PLCH1: variants seen among roughly 807,000 people sequenced by gnomAD.
The protein encoded by PLCH1 is phospholipase C eta 1.
A neutral mutation model predicts 126.7 loss-of-function variants in PLCH1; 60 were observed. The observed-to-expected ratio is 0.47, with a 90% CI of 0.38 to 0.59. PLCH1 has a LOEUF of 0.59. Ranked by LOEUF, PLCH1 falls within the 20% of genes least tolerant of loss-of-function variation. The pLI is 0.00. For synonymous variants in PLCH1, 719 were observed against 734.9 expected (o/e 0.98, Z 0.35); for missense variants, 1,723 against 2,040.0 (o/e 0.84, Z 2.99).
At chr3:155,503,090 T>C (rs1348403216) in intron 13 of PLCH1, among the ~76,000 whole-genome samples, 1 of 152,224 alleles carries the variant, frequency 6.6e-6, no homozygotes, top group Admixed American at 6.5e-5. Context: ...CACTATTTTA[T>C]TGAAGTGTAA....
rs370128819 is a variant in PLCH1 at position 155,554,077 on chromosome 3, C to T, written c.1189G>A (p.Glu397Lys). The change falls in exon 9 of 23, where the codon GAG becomes AAG. Residue 397 changes from glutamate (E) to lysine (K), a missense_variant and splice_region_variant. Around this residue, in one of 2 missense-constraint regions of PLCH1, gnomAD observed 776 missense variants for 1,062.9 expected, o/e 0.73. Transcript: ENST00000460012. ...GCTCACAGGTGCTGCTTTACTTACT[C>T]ATTCTTCACAAAGGCATGCTTGTTG... ...TINKHAFVKNEFPVILSIENH... is the reference protein window; with the variant it reads ...TINKHAFVKNKFPVILSIENH... 2 of 1,613,520 alleles carry T rather than the reference C, an allele frequency of 1.2e-6. No individual in the cohort carries two copies. The highest frequency in any genetic ancestry group is 2.7e-5 in the African/African-American group (2 of 74,894).
chr3:155,506,144 A>G (rs1405743210), intron 12 of PLCH1, among the ~76,000 whole-genome samples: 2 of 152,084 alleles, frequency 1.3e-5, no homozygotes, highest in African/African-American at 2.4e-5. Flanking sequence ...ATATATTCTC[A>G]TTTACTATGC....
chr3:155,624,237 G>C (rs1047934503), intron 2 of PLCH1, among the ~76,000 whole-genome samples: 10 of 152,182 alleles, frequency 6.6e-5, no homozygotes, highest in African/African-American at 2.2e-4. Flanking sequence ...ACTAGGTATT[G>C]ATGGGACGTA....
intron 8 of PLCH1, among the ~76,000 whole-genome samples, chr3:155,556,506 C>T (rs1726842896): frequency 6.6e-6 from 1 of 152,296 alleles, no homozygotes; most frequent in Non-Finnish European, 1.5e-5. Context: ...AAATGCTCAC[C>T]ATAATTACAA....
At chr3:155,528,453 T>C (rs1454295741) in intron 10 of PLCH1, among the ~76,000 whole-genome samples, 2 of 152,166 alleles carry the variant, frequency 1.3e-5, no homozygotes, top group Non-Finnish European at 2.9e-5. Context: ...TGATCAGACA[T>C]ACTCAGAAAC....
chr3:155,631,560 AAAATTAT>A (rs1738025545), intron 2 of PLCH1, among the ~76,000 whole-genome samples: 4 of 152,200 alleles, frequency 2.6e-5, no homozygotes. Context: ...TTCACAGAGG[AAAATTAT>A]GTCGCAATCT....
intron 13 of PLCH1, among the ~76,000 whole-genome samples, chr3:155,501,826 G>T (rs1717947551): frequency 6.6e-6 from 1 of 151,992 alleles, no homozygotes; most frequent in Non-Finnish European, 1.5e-5. Flanking sequence ...ACAAATGATG[G>T]GGAAGGACCA....
chr3:155,458,482 GAAAGAAAGA>G (rs1712562955), intron 21 of PLCH1, among the ~76,000 whole-genome samples: 1 of 98,910 alleles, frequency 1.0e-5, no homozygotes, highest in African/African-American at 9.1e-5. Flanking sequence ...AAGAAAGAAA[GAAAGAAAGA>G]AAGAAAGAGA....
intron 21 of PLCH1, among the ~76,000 whole-genome samples, chr3:155,468,621 G>A (rs1046825270): frequency 6.6e-5 from 10 of 152,208 alleles, no homozygotes; most frequent in Admixed American, 2.0e-4. Context: ...TAGATTTCAA[G>A]ACAAAAACTA....
At chr3:155,551,208 G>T (rs1726062392) in intron 9 of PLCH1, among the ~76,000 whole-genome samples, 1 of 152,106 alleles carries the variant, frequency 6.6e-6, no homozygotes, top group Admixed American at 6.6e-5. Flanking sequence ...ACTTTGGGAG[G>T]CCGAAGCAGG....
chr3:155,622,287 G>T (rs1577167185), intron 2 of PLCH1, among the ~76,000 whole-genome samples: 1 of 152,256 alleles, frequency 6.6e-6, no homozygotes, highest in Non-Finnish European at 1.5e-5. Context: ...AGAACAACCA[G>T]TACCAGCCAC....
chr3:155,630,757 G>T (rs1243030847), intron 2 of PLCH1, among the ~76,000 whole-genome samples: 1 of 152,148 alleles, frequency 6.6e-6, no homozygotes, highest in Non-Finnish European at 1.5e-5. Flanking sequence ...GGCTTAGAGG[G>T]TTAAGGATAA....
chr3:155,526,458 CTCTCTTT>C (rs1207569848), intron 10 of PLCH1, among the ~76,000 whole-genome samples: 2 of 142,728 alleles, frequency 1.4e-5, no homozygotes, highest in Non-Finnish European at 3.0e-5. Context: ...TCTCTCTCTT[CTCTCTTT>C]CTCTCTTCTT....
intron 2 of PLCH1, among the ~76,000 whole-genome samples, chr3:155,619,666 A>G (rs1040084089): frequency 1.6e-4 from 25 of 151,990 alleles, no homozygotes; most frequent in African/African-American, 5.8e-4. Context: ...ACAAAGCCAT[A>G]CTCCCTACCC....
At chr3:155,719,548 C>T (rs1559961559) in intron 1 of PLCH1, among the ~76,000 whole-genome samples, 5 of 151,862 alleles carry the variant, frequency 3.3e-5, no homozygotes. Flanking sequence ...AAAGAATAAG[C>T]AAATCCAATA....
intron 2 of PLCH1, among the ~76,000 whole-genome samples, chr3:155,662,078 T>C (rs1026998877): frequency 3.9e-5 from 6 of 152,142 alleles, no homozygotes; most frequent in African/African-American, 1.4e-4. Flanking sequence ...CATAGTTCAA[T>C]GAAAGGCCTT....
intron 6 of PLCH1, among the ~76,000 whole-genome samples, chr3:155,570,965 T>C (rs1729135902): frequency 6.6e-6 from 1 of 152,206 alleles, no homozygotes; most frequent in African/African-American, 2.4e-5. Flanking sequence ...ACTGTAGTTC[T>C]TTAGTCTCAT....
At chr3:155,741,125 C>T (rs57149264) in intron 1 of PLCH1, among the ~76,000 whole-genome samples, 14,649 of 152,214 alleles carry the variant, frequency 0.096, 893 homozygotes, top group Middle Eastern at 0.14. Context: ...TTAAAATGCA[C>T]TTCTAATTTG....
chr3:155,538,557 A>C (rs900893193), intron 10 of PLCH1, among the ~76,000 whole-genome samples: 3 of 152,152 alleles, frequency 2.0e-5, no homozygotes, highest in African/African-American at 7.2e-5. Context: ...TTAGAAACAA[A>C]ATGAGAGATA....
Sources: allele counts gnomAD v4.1 joint callset (sites outside exome capture counted in the v4.1 genomes callset), GRCh38; gene constraint gnomAD v4.1.1; regional missense constraint gnomAD v4.1.1; transcripts MANE v1.5; gene names NCBI Gene and HGNC (gene_info 2026-07-23, HGNC 2026-07-21).